SYN3: variants seen among roughly 807,000 people sequenced by gnomAD.
The protein encoded by SYN3 is synapsin-3.
In SYN3, 35 loss-of-function variants were observed where a neutral mutation model predicts 65.8. That is an observed-to-expected ratio of 0.53 (90% CI 0.41 to 0.70). The LOEUF is 0.70. Among genes scored for constraint, SYN3 ranks in the 30% least tolerant of loss-of-function variants. The probability of loss-of-function intolerance (pLI) is 0.00; values close to 1 mark genes in which losing one functional copy is unlikely to be tolerated. For missense variants in SYN3, 680 were observed against 749.0 expected (o/e 0.91, Z 1.08); for synonymous variants, 270 against 292.9 (o/e 0.92, Z 0.80).
intron 12 of SYN3, among the ~76,000 whole-genome samples, chr22:32,525,310 G>A (rs900895222): frequency 4.6e-5 from 7 of 152,184 alleles, no homozygotes; most frequent in African/African-American, 1.7e-4. Flanking sequence ...AAGATGTGAT[G>A]GAATTACTGC....
chr22:32,946,328 G>A (rs982289800), intron 3 of SYN3, among the ~76,000 whole-genome samples: 28 of 152,302 alleles, frequency 1.8e-4, no homozygotes, highest in African/African-American at 6.7e-4. Context: ...TTAAGAAAAT[G>A]TGGCACATAT....
At chr22:32,523,616 T>G (rs1012062818) in intron 12 of SYN3, among the ~76,000 whole-genome samples, 2 of 152,216 alleles carry the variant, frequency 1.3e-5, no homozygotes, top group African/African-American at 2.4e-5. Flanking sequence ...TCTCTCTTCC[T>G]GTCCTTGGGC....
intron 6 of SYN3, among the ~76,000 whole-genome samples, chr22:32,717,169 T>C (rs546389558): frequency 1.3e-5 from 2 of 152,228 alleles, no homozygotes; most frequent in African/African-American, 4.8e-5. Context: ...CTTGCTTGAG[T>C]CCACAGAGCT....
chr22:33,017,536 C>A (rs2053488883), intron 1 of SYN3, among the ~76,000 whole-genome samples: 1 of 152,216 alleles, frequency 6.6e-6, no homozygotes, highest in Non-Finnish European at 1.5e-5. Flanking sequence ...GTGTCACTTA[C>A]AATTTCTTTC....
At chr22:32,569,569 C>CTATATATATATA (rs1481673554) in intron 7 of SYN3, among the ~76,000 whole-genome samples, 2 of 76,480 alleles carry the variant, frequency 2.6e-5, no homozygotes, top group Admixed American at 3.2e-4. Context: ...CTCTCTCTCT[C>CTATATATATATA]TCTATATATA....
chr22:32,821,839 C>T (rs577185666), intron 6 of SYN3, among the ~76,000 whole-genome samples: 1 of 152,338 alleles, frequency 6.6e-6, no homozygotes, highest in South Asian at 2.1e-4. Flanking sequence ...CACTGCCTTC[C>T]ACTCCCTGCT....
intron 1 of SYN3, among the ~76,000 whole-genome samples, chr22:33,010,575 A>G (rs956947480): frequency 6.6e-6 from 1 of 152,210 alleles, no homozygotes; most frequent in African/African-American, 2.4e-5. Flanking sequence ...GGCTTTCCAG[A>G]AAGTTTTAAA....
intron 6 of SYN3, among the ~76,000 whole-genome samples, chr22:32,737,745 A>C (rs5998603): frequency 0.48 from 72,232 of 151,816 alleles, 17,963 homozygotes; most frequent in African/African-American, 0.64. Context: ...CATATCTCCC[A>C]GTGCTCCTCT....
At chr22:32,800,063 T>C (rs2046526708) in intron 6 of SYN3, among the ~76,000 whole-genome samples, 1 of 152,116 alleles carries the variant, frequency 6.6e-6, no homozygotes, top group Admixed American at 6.5e-5. Context: ...ATGGCTAAAG[T>C]GCTCAAAGGG....
chr22:32,521,848 T>C (rs2057889973), intron 12 of SYN3, among the ~76,000 whole-genome samples: 1 of 152,222 alleles, frequency 6.6e-6, no homozygotes, highest in South Asian at 2.1e-4. Flanking sequence ...TTCCCCTGAT[T>C]CGCCTCCCTT....
At chr22:32,913,869 A>G (rs1013247723) in intron 4 of SYN3, among the ~76,000 whole-genome samples, 7 of 152,224 alleles carry the variant, frequency 4.6e-5, no homozygotes, top group African/African-American at 1.7e-4. Context: ...AAATAGCAAA[A>G]GTCTCACTCT....
chr22:32,704,215 C>T (rs1332220214), intron 6 of SYN3, among the ~76,000 whole-genome samples: 4 of 151,938 alleles, frequency 2.6e-5, no homozygotes, highest in Admixed American at 2.6e-4. Context: ...TTTTTCCCTC[C>T]TCTCACTCTC....
intron 4 of SYN3, among the ~76,000 whole-genome samples, chr22:32,877,048 C>A (rs1403211170): frequency 6.6e-6 from 1 of 152,254 alleles, no homozygotes; most frequent in African/African-American, 2.4e-5. Flanking sequence ...CATTCCCCTT[C>A]CTCTGTCCAT....
chr22:32,890,083 T>C (rs2049402521), intron 4 of SYN3, among the ~76,000 whole-genome samples: 1 of 145,970 alleles, frequency 6.9e-6, no homozygotes. Flanking sequence ...TTTTTTTTTT[T>C]TTTTTTTTTT....
At chr22:32,569,555 C>CTGTATATATA (rs1230609085) in intron 7 of SYN3, among the ~76,000 whole-genome samples, 107 of 109,740 alleles carry the variant, frequency 9.8e-4, no homozygotes, top group African/African-American at 3.6e-3. Flanking sequence ...CTCTCTCTCT[C>CTGTATATATA]TCTCTCTCTC....
At chr22:32,593,393 G>A (rs1340332981) in intron 7 of SYN3, among the ~76,000 whole-genome samples, 1 of 151,978 alleles carries the variant, frequency 6.6e-6, no homozygotes, top group African/African-American at 2.4e-5. Flanking sequence ...TTTAATTCTT[G>A]GGAATGCTTT....
intron 6 of SYN3, among the ~76,000 whole-genome samples, chr22:32,673,211 G>A (rs1300541962): frequency 2.0e-5 from 3 of 152,214 alleles, no homozygotes; most frequent in Admixed American, 6.5e-5. Flanking sequence ...GCTTTGAAAA[G>A]GGGGATGCTC....
chr22:32,997,935 G>A (rs1474429237), intron 2 of SYN3, among the ~76,000 whole-genome samples: 1 of 151,458 alleles, frequency 6.6e-6, no homozygotes, highest in African/African-American at 2.4e-5. Context: ...GCTGAGGCAG[G>A]AGAAGGGCGT....
At chr22:32,802,219 C>T (rs2046607774) in intron 6 of SYN3, 1 of 1,482,788 alleles carries the variant, frequency 6.7e-7, no homozygotes, top group African/African-American at 1.4e-5. Flanking sequence ...TTCCTCTGCC[C>T]CAGGAGAGGG....
Sources: allele counts gnomAD v4.1 joint callset (sites outside exome capture counted in the v4.1 genomes callset), GRCh38; gene constraint gnomAD v4.1.1; transcripts MANE v1.5; gene names NCBI Gene and HGNC (gene_info 2026-07-23, HGNC 2026-07-21).